The following RNGTT variants were observed in gnomAD, a reference collection of about 807,000 sequenced individuals.
RNGTT encodes mRNA-capping enzyme.
Under a neutral mutation model 79.3 loss-of-function variants are expected in RNGTT, and 33 were observed. The observed-to-expected ratio is 0.42, with a 90% CI of 0.32 to 0.56. The LOEUF is 0.56. Ranked by LOEUF, RNGTT falls within the 20% of genes least tolerant of loss-of-function variation. RNGTT has a pLI of 0.17. For missense variants in RNGTT, 497 were observed against 739.1 expected (o/e 0.67, Z 3.80); for synonymous variants, 222 against 235.9 (o/e 0.94, Z 0.54).
At chr6:88,776,199 A>G (rs1778872418) in intron 12 of RNGTT, among the ~76,000 whole-genome samples, 1 of 151,982 alleles carries the variant, frequency 6.6e-6, no homozygotes, top group South Asian at 2.1e-4. Context: ...ACTATTTTGT[A>G]TGTTATCTTG....
Position 88,617,881 on chromosome 6 carries a change from C to T in RNGTT, c.1507-3486G>A, listed in dbSNP as rs1772292297. 2.7e-5 allele frequency among the ~76,000 whole-genome samples: 4 copies of T among 150,402 alleles called. No individual in the cohort carries two copies. In the South Asian group the frequency reaches 8.3e-4, roughly 31 times the overall value. ...CACTGCTTAATTAAAAAAAAAAAAC[C>T]TTAGAAGTAAATTTACTAAAGGAAC... On this transcript the variant is annotated intron_variant, in intron 14 of 15. Transcript: ENST00000369485.
intron 2 of RNGTT, among the ~76,000 whole-genome samples, chr6:88,938,615 T>G (rs1784744902): frequency 6.6e-6 from 1 of 152,232 alleles, no homozygotes; most frequent in South Asian, 2.1e-4. Flanking sequence ...TTTCTTTCTC[T>G]CTTATTGTTT....
chr6:88,622,992 A>AT (rs1301036066), intron 14 of RNGTT, among the ~76,000 whole-genome samples: 1 of 152,160 alleles, frequency 6.6e-6, no homozygotes, highest in Non-Finnish European at 1.5e-5. Flanking sequence ...ACAGAGACTA[A>AT]TGCAGAGAGA....
At chr6:88,690,499 G>A (rs959276013) in intron 13 of RNGTT, among the ~76,000 whole-genome samples, 1 of 151,916 alleles carries the variant, frequency 6.6e-6, no homozygotes, top group African/African-American at 2.4e-5. Context: ...TTGAAGCCAG[G>A]AGCTCAAGAC....
chr6:88,731,116 C>T (rs527456001), intron 13 of RNGTT, among the ~76,000 whole-genome samples: 1 of 151,756 alleles, frequency 6.6e-6, no homozygotes, highest in Non-Finnish European at 1.5e-5. Context: ...CACAGAGACT[C>T]TATTTAAGAA....
intron 12 of RNGTT, among the ~76,000 whole-genome samples, chr6:88,775,235 C>A (rs919539275): frequency 2.6e-5 from 4 of 152,102 alleles, no homozygotes; most frequent in South Asian, 2.1e-4. Context: ...TATGTGTGTA[C>A]ATGTGTGTCA....
intron 1 of RNGTT, among the ~76,000 whole-genome samples, chr6:88,949,160 A>AAAAAAAAAAAAAAAAAAAAAAAAAG (rs1562077168): frequency 2.9e-5 from 1 of 35,070 alleles, no homozygotes; most frequent in Admixed American, 3.7e-4. Flanking sequence ...AAATAAAATG[A>AAAAAAAAAAAAAAAAAAAAAAAAAG]AAAAAAAAAA....
chr6:88,696,601 T>TACACACACACAC (rs67058652), intron 13 of RNGTT, among the ~76,000 whole-genome samples: 7,067 of 147,476 alleles, frequency 0.048, 206 homozygotes, highest in Middle Eastern at 0.087. Context: ...AATCCTGAAG[T>TACACACACACAC]ACACACACAC....
intron 14 of RNGTT, among the ~76,000 whole-genome samples, chr6:88,650,572 C>T (rs1773759673): frequency 6.6e-6 from 1 of 152,026 alleles, no homozygotes; most frequent in Admixed American, 6.6e-5. Context: ...ACTGTTTTCA[C>T]TGAATCTAGC....
intron 6 of RNGTT, among the ~76,000 whole-genome samples, chr6:88,898,079 G>A (rs1783314622): frequency 6.6e-6 from 1 of 152,084 alleles, no homozygotes; most frequent in Non-Finnish European, 1.5e-5. Context: ...TCTGAGTTAT[G>A]AGTACAACCA....
chr6:88,902,376 G>C (rs1270908441), intron 6 of RNGTT, among the ~76,000 whole-genome samples: 1 of 152,084 alleles, frequency 6.6e-6, no homozygotes, highest in Non-Finnish European at 1.5e-5. Flanking sequence ...AAGGCAGGAA[G>C]ATTACTTTAG....
intron 11 of RNGTT, among the ~76,000 whole-genome samples, chr6:88,805,764 C>T (rs1779933341): frequency 6.6e-6 from 1 of 152,126 alleles, no homozygotes; most frequent in South Asian, 2.1e-4. Flanking sequence ...CGGCAAGAAA[C>T]AGTTGTTTAC....
chr6:88,806,144 T>G (rs1281091360), intron 11 of RNGTT, among the ~76,000 whole-genome samples: 1 of 152,160 alleles, frequency 6.6e-6, no homozygotes, highest in African/African-American at 2.4e-5. Flanking sequence ...TTAAAAATTC[T>G]GTCTCACACA....
chr6:88,768,174 C>CTT (rs1041394268), intron 13 of RNGTT, among the ~76,000 whole-genome samples: 1 of 137,014 alleles, frequency 7.3e-6, no homozygotes, highest in African/African-American at 2.6e-5. Context: ...CTTTTTCTTT[C>CTT]TTTTTTTTTT....
intron 13 of RNGTT, among the ~76,000 whole-genome samples, chr6:88,690,832 T>C (rs1378183150): frequency 1.3e-5 from 2 of 152,208 alleles, no homozygotes; most frequent in African/African-American, 4.8e-5. Context: ...ATGACTACTC[T>C]AGGATCTGGC....
chr6:88,910,266 A>G (rs1460363755), intron 4 of RNGTT, among the ~76,000 whole-genome samples: 1 of 152,230 alleles, frequency 6.6e-6, no homozygotes, highest in Non-Finnish European at 1.5e-5. Flanking sequence ...GGAATATAAC[A>G]TAGCTATACT....
intron 11 of RNGTT, among the ~76,000 whole-genome samples, chr6:88,816,974 C>T (rs773663923): frequency 5.3e-5 from 8 of 152,094 alleles, no homozygotes; most frequent in Non-Finnish European, 4.4e-5. Flanking sequence ...TACAAATCAA[C>T]ACTGGAACTT....
intron 13 of RNGTT, among the ~76,000 whole-genome samples, chr6:88,729,603 C>T (rs992771776): frequency 2.6e-5 from 4 of 152,026 alleles, no homozygotes; most frequent in East Asian, 1.9e-4. Context: ...TAACCAACAG[C>T]GATTTATTAA....
intron 4 of RNGTT, among the ~76,000 whole-genome samples, chr6:88,916,534 T>A (rs952600456): frequency 6.6e-6 from 1 of 152,212 alleles, no homozygotes; most frequent in African/African-American, 2.4e-5. Context: ...TAAAATTATA[T>A]CTCAATATGT....
Sources: allele counts gnomAD v4.1 joint callset (sites outside exome capture counted in the v4.1 genomes callset), GRCh38; gene constraint gnomAD v4.1.1; transcripts MANE v1.5; gene names NCBI Gene and HGNC (gene_info 2026-07-23, HGNC 2026-07-21).